Variants in PKHD1 observed in about 807,000 individuals in gnomAD.
The protein encoded by PKHD1 is PKHD1 ciliary IPT domain containing fibrocystin/polyductin.
A neutral mutation model predicts 412.0 loss-of-function variants in PKHD1; 291 were observed. That is an observed-to-expected ratio of 0.71 (90% CI 0.64 to 0.78). PKHD1 has a LOEUF of 0.78. Among genes scored for constraint, PKHD1 ranks in the 30% least tolerant of loss-of-function variants. The pLI, the probability that PKHD1 is intolerant of heterozygous loss-of-function variation, is 0.00. For missense variants in PKHD1, 4,825 were observed against 4,950.7 expected (o/e 0.97, Z 0.76); for synonymous variants, 1,777 against 1,821.5 (o/e 0.98, Z 0.62).
rs755546612 is a variant in PKHD1, at chr6:51,627,002, C to T, written c.11780G>A (p.Gly3927Glu). 3.7e-6 allele frequency: 6 copies of T among 1,613,374 alleles called. No individual in the cohort carries two copies. The South Asian group carries it at 5.5e-5, about 15-fold the overall frequency. ...TCTCCACCCTCCAAGCTTACCTTCT[C>T]CCACCACAGTGTCTTCTTTTTTGGG... is the stretch of plus-strand genomic sequence containing the variant. ...QGPKKEDTVV[G>E]EDMRMKVMLG... The change falls in exon 66 of 67, where the codon GGA (glycine) becomes GAA (glutamate). Residue 3927 changes from glycine (G) to glutamate (E), a missense_variant. Physicochemically the swap from Gly to Glu is moderately conservative, Grantham distance 98. Coordinates refer to ENST00000371117, the MANE Select transcript of PKHD1 (RefSeq NM_138694.4).
chr6:51,630,808 T>C (rs1372636363), intron 65 of PKHD1, among the ~76,000 whole-genome samples: 1 of 152,190 alleles, frequency 6.6e-6, no homozygotes, highest in Non-Finnish European at 1.5e-5. Context: ...CTTATACAGA[T>C]CTGACTACTG....
chr6:51,957,450 T>C (rs1791317849), intron 36 of PKHD1, among the ~76,000 whole-genome samples: 1 of 152,072 alleles, frequency 6.6e-6, no homozygotes. Context: ...CCAATGAAAT[T>C]AGGGTTTTAC....
intron 60 of PKHD1, among the ~76,000 whole-genome samples, chr6:51,688,510 C>CAA (rs545113681): frequency 7.2e-6 from 1 of 138,166 alleles, no homozygotes; most frequent in Non-Finnish European, 1.6e-5. Context: ...GAAACACACA[C>CAA]AAAAAAAAAA....
intron 60 of PKHD1, among the ~76,000 whole-genome samples, chr6:51,703,804 G>C (rs1170416665): frequency 6.6e-6 from 1 of 151,966 alleles, no homozygotes; most frequent in African/African-American, 2.4e-5. Context: ...GATGACTTCA[G>C]CATCTCCCTG....
intron 35 of PKHD1, among the ~76,000 whole-genome samples, chr6:51,976,882 A>C (rs1355959672): frequency 7.3e-6 from 1 of 136,532 alleles, no homozygotes; most frequent in African/African-American, 2.7e-5. Flanking sequence ...CGGGAGGCGG[A>C]GGTTGCAGTG....
intron 37 of PKHD1, among the ~76,000 whole-genome samples, chr6:51,913,476 C>T (rs1283325142): frequency 6.6e-6 from 1 of 152,024 alleles, no homozygotes; most frequent in African/African-American, 2.4e-5. Flanking sequence ...TCTTTTCCAG[C>T]AAGGGTCAAG....
In PKHD1 at chr6:51,747,860, T is replaced by C. The variant is rs779300966; in HGVS notation, c.9756A>G (p.Pro3252=). The change falls in exon 58 of 67, where the codon CCA becomes CCG. Residue 3252 remains proline (P), a synonymous_variant. Transcript: ENST00000371117. ...GILWPVFTSE[P]NQWPQEPWHK... ...GCCATGGCTCCTGAGGCCACTGATT[T>C]GGTTCTGAGGTGAATACAGGCCACA... 2.2e-5 allele frequency: 36 copies of C among 1,613,826 alleles called. No homozygotes were observed. Among genetic ancestry groups the C allele is most frequent in the Non-Finnish European group, 3.1e-5 (36 of 1,179,750 alleles).
Position 51,976,944 on chromosome 6 carries a change from T to TAAAAAAAAAA in PKHD1, c.5752-16928_5752-16919dup, listed in dbSNP as rs10671492. Among the ~76,000 whole-genome samples, 184 of 93,506 alleles carry TAAAAAAAAAA rather than the reference T, an allele frequency of 2.0e-3. 5 individuals are homozygous for TAAAAAAAAAA. Among genetic ancestry groups the TAAAAAAAAAA allele is most frequent in the African/African-American group, 7.5e-3 (165 of 21,904 alleles). The allele number at this position is 93,506 out of a possible 152,430, so 61.3% of individuals were successfully genotyped here. On this transcript the variant is annotated intron_variant, in intron 35 of 66. Coordinates refer to ENST00000371117, the MANE Select transcript of PKHD1 (RefSeq NM_138694.4). The stretch of plus-strand genomic sequence containing the variant: ...GCCTGGGTGATAGAGTGAGACTCCA[T>TAAAAAAAAAA]AAAAAAAAAAAAAAAAAAAACCTGA...
chr6:51,616,439 C>T lies in PKHD1; in HGVS notation c.*2642G>A. 2.6e-6 allele frequency: 1 copy of T among 377,382 alleles called. No individual in the cohort carries two copies. Among genetic ancestry groups the T allele is most frequent in the Admixed American group, 4.5e-5 (1 of 22,132 alleles). 23.4% of individuals were successfully genotyped at this position (377,382 alleles called of 1,614,324 possible). A position where few individuals can be genotyped will look rare whatever the true frequency, so the allele number is the denominator to read the frequency against. ...ACGATCTGAATAAATTTAGAGTTGG[C>T]CTACAGTGGTGCTCAAATTGGCTCA... On this transcript the variant is annotated 3_prime_UTR_variant, in exon 67 of 67. Coordinates refer to ENST00000371117, the MANE Select transcript of PKHD1 (RefSeq NM_138694.4).
chr6:52,063,814 C>T (rs1809073925), intron 13 of PKHD1, among the ~76,000 whole-genome samples: 1 of 152,212 alleles, frequency 6.6e-6, no homozygotes, highest in Admixed American at 6.5e-5. Context: ...CAATTGGTTT[C>T]CATAGTAATT....
intron 34 of PKHD1, 111 bp downstream of exon 34, chr6:52,017,299 C>T (rs2128129775): frequency 1.2e-6 from 1 of 815,614 alleles, no homozygotes; most frequent in Admixed American, 1.8e-5. Flanking sequence ...AGTTGTAGCC[C>T]TTACCACGGC....
chr6:51,929,014 C>T (rs1281977865), intron 37 of PKHD1, among the ~76,000 whole-genome samples: 1 of 152,070 alleles, frequency 6.6e-6, no homozygotes, highest in Non-Finnish European at 1.5e-5. Context: ...TGGTTTGTAT[C>T]TAGCTCAAGG....
At chr6:51,864,220 C>A (rs897017500) in intron 48 of PKHD1, among the ~76,000 whole-genome samples, 4 of 152,108 alleles carry the variant, frequency 2.6e-5, no homozygotes, top group African/African-American at 9.7e-5. Flanking sequence ...TGCTGGAACC[C>A]AAAGCAGACA....
intron 52 of PKHD1, among the ~76,000 whole-genome samples, chr6:51,812,480 G>A (rs1308873673): frequency 6.6e-6 from 1 of 152,088 alleles, no homozygotes; most frequent in African/African-American, 2.4e-5. Flanking sequence ...CCTGCCTTTG[G>A]AATTTAGGTA....
Position 52,065,038 on chromosome 6 carries a change from T to C in PKHD1, c.893A>G (p.Asp298Gly), listed in dbSNP as rs1256062840. 6 of 1,588,016 alleles carry C rather than the reference T, an allele frequency of 3.8e-6. No individual in the cohort carries two copies. In the East Asian group the frequency reaches 9.4e-5, roughly 25 times the overall value. The change falls in exon 13 of 67, where the codon GAT becomes GGT. Residue 298 changes from aspartate (D) to glycine (G), a missense_variant. Physicochemically the swap from Asp to Gly is moderately conservative, Grantham distance 94 (BLOSUM62 -1). Transcript: ENST00000371117. ...AQVTIAGIPC[D>G]IRHVSPRKIE... ...CTTCCTGGGAGACACGTGTCTAATA[T>C]CACATGGAATGCCTAAAGCGAATTA... is the stretch of plus-strand genomic sequence containing the variant.
At chr6:51,679,740 T>G (rs953239368) in intron 60 of PKHD1, among the ~76,000 whole-genome samples, 5 of 151,944 alleles carry the variant, frequency 3.3e-5, no homozygotes, top group Admixed American at 1.3e-4. Context: ...AAATTGAAGC[T>G]TACAAGTGCT....
rs182948659 is a variant in PKHD1 at position 52,011,374 on chromosome 6, G to A, written c.5601-915C>T. On this transcript the variant is annotated intron_variant, in intron 34 of 66. Coordinates refer to ENST00000371117, the MANE Select transcript of PKHD1 (RefSeq NM_138694.4). The stretch of plus-strand genomic sequence containing the variant: ...TTCATATTTGTCAACAATTTCACAT[G>A]TATGATCTCATTTCAGCCTATAAAT... Among the ~76,000 whole-genome samples the A allele has an allele frequency of 4.6e-5, 7 of 152,312 alleles. No homozygotes were observed. The East Asian group carries it at 7.7e-4, about 17-fold the overall frequency.
intron 52 of PKHD1, among the ~76,000 whole-genome samples, chr6:51,810,804 T>C (rs953230433): frequency 2.0e-5 from 3 of 152,200 alleles, no homozygotes; most frequent in Admixed American, 2.0e-4. Context: ...ATTTAGTCAT[T>C]CTTGGCTCTT....
chr6:52,027,966 C>T, intron 30 of PKHD1, 70 bp from the exon 31 acceptor site: 1 of 1,298,714 alleles, frequency 7.7e-7, no homozygotes, highest in East Asian at 2.3e-5. Flanking sequence ...GCCAGAAGAG[C>T]CATATGTATT....
Sources: allele counts gnomAD v4.1 joint callset (sites outside exome capture counted in the v4.1 genomes callset), GRCh38; gene constraint gnomAD v4.1.1; transcripts MANE v1.5; gene names NCBI Gene and HGNC (gene_info 2026-07-23, HGNC 2026-07-21).